MYO18A: variants seen among roughly 807,000 people sequenced by gnomAD.
MYO18A encodes the protein unconventional myosin-XVIIIa.
MYO18A carries 78 observed loss-of-function variants against 235.8 expected under a neutral mutation model. The ratio of observed to expected loss-of-function variants is 0.33; its 90% CI spans 0.28 to 0.40. MYO18A has a LOEUF of 0.40. Ranked by LOEUF, MYO18A falls within the 10% of genes least tolerant of loss-of-function variation. MYO18A has a pLI of 1.00. For synonymous variants in MYO18A, 977 were observed against 1,077.8 expected, an observed-to-expected ratio of 0.91 and a Z score of 1.83; for missense variants, 2,215 against 2,699.3, an observed-to-expected ratio of 0.82 and a Z score of 3.98.
Position 29,180,011 on chromosome 17 carries a change from C to T in MYO18A, c.-82+302G>A, listed in dbSNP as rs550062075. 2.6e-5 allele frequency among the ~76,000 whole-genome samples: 4 copies of T among 151,776 alleles called. No homozygotes were observed. The highest frequency in any genetic ancestry group is 5.9e-5 in the Non-Finnish European group (4 of 67,920). ...ACCTGGGCGCCTCCAAGCCCCAAAT[C>T]CCCCCACACTGAAGGCCACCCTGTC... On this transcript the variant is annotated intron_variant, in intron 1 of 41. Transcript: ENST00000527372. The surrounding 1 kb of genome is among the most constrained non-coding windows in gnomAD (Gnocchi z 6.1).
rs2065931012 is a variant in MYO18A at position 29,074,590 on chromosome 17, T to C, written c.*180A>G. On this transcript the variant is annotated 3_prime_UTR_variant, in exon 42 of 42. Transcript: ENST00000527372. This position sits in a 1 kb window ranked among gnomAD's most constrained non-coding sequence, Gnocchi z 4.4. ...AGAAACTCCTCTTTCCCCCACCTCT[T>C]CCACGTGGAGACATCAGACACCCAT... The C allele has an allele frequency of 3.1e-6, 2 of 650,418 alleles. No individual in the cohort carries two copies. The highest frequency in any genetic ancestry group is 3.6e-5 in the African/African-American group (2 of 54,846). 40.3% of individuals were successfully genotyped at this position (650,418 alleles called of 1,614,324 possible). A position where few individuals can be genotyped will look rare whatever the true frequency, so the allele number is the denominator to read the frequency against.
intron 2 of MYO18A, among the ~76,000 whole-genome samples, chr17:29,156,909 C>G (rs1457371993): frequency 6.6e-6 from 1 of 152,196 alleles, no homozygotes; most frequent in Non-Finnish European, 1.5e-5. Flanking sequence ...CAGTGAGAAG[C>G]CTGCATTGCC....
At chr17:29,116,156 C>G (rs893655421) in intron 11 of MYO18A, among the ~76,000 whole-genome samples, 2 of 152,216 alleles carry the variant, frequency 1.3e-5, no homozygotes, top group Non-Finnish European at 2.9e-5. Context: ...AGGGCGGAGT[C>G]AGAGGATGAA....
intron 2 of MYO18A, among the ~76,000 whole-genome samples, chr17:29,137,593 A>G (rs1339688841): frequency 6.6e-6 from 1 of 152,244 alleles, no homozygotes; most frequent in East Asian, 1.9e-4. Flanking sequence ...TAAAGAAAGA[A>G]AAAGAAAAAA....
chr17:29,166,397 G>C lies in MYO18A; in HGVS notation c.544C>G (p.Pro182Ala). 1 of 1,613,718 alleles carries C rather than the reference G, an allele frequency of 6.2e-7. No homozygotes were observed. The highest frequency in any genetic ancestry group is 8.5e-7 in the Non-Finnish European group (1 of 1,179,880). Residue 182 changes from proline to alanine, a missense_variant, in exon 2 of 42, where the codon CCA becomes GCA. Physicochemically the swap from Pro to Ala is conservative, Grantham distance 27 (BLOSUM62 -1). Transcript: ENST00000527372. ...LEGQLVQHPG[P>A]GIPRPGHRSR... ...CGGTGCCCTGGTCGAGGGATGCCTG[G>C]GCCAGGATGCTGCACCAGCTGTCCC...
At chr17:29,167,295 C>T (rs908819196) in intron 1 of MYO18A, among the ~76,000 whole-genome samples, 2 of 152,200 alleles carry the variant, frequency 1.3e-5, no homozygotes, top group South Asian at 4.1e-4. Context: ...GCCCAGATTC[C>T]AAAGCCTGTC....
chr17:29,100,502 G>A (rs1245212942), intron 21 of MYO18A, among the ~76,000 whole-genome samples: 3 of 152,256 alleles, frequency 2.0e-5, no homozygotes, highest in Non-Finnish European at 2.9e-5. Context: ...GGGCAGGCAT[G>A]TGCAGAACCA....
In MYO18A at chr17:29,089,494, G is replaced by GA. The variant is rs373430091; in HGVS notation, c.5526+466dup. On this transcript the variant is annotated intron_variant, in intron 37 of 41. Coordinates refer to ENST00000527372, the MANE Select transcript of MYO18A (RefSeq NM_078471.4). ...ATCATAATCAAGAAAAAGGGAGAGA[G>GA]AAAAAAAAAAGCAGAGACAGGAGGG... Among the ~76,000 whole-genome samples, 220 of 136,370 alleles carry GA rather than the reference G, an allele frequency of 1.6e-3. 2 individuals carry two copies. In the East Asian group the frequency reaches 0.024, roughly 15 times the overall value. 89.5% of individuals were successfully genotyped at this position (136,370 alleles called of 152,430 possible). A position where few individuals can be genotyped will look rare whatever the true frequency, so the allele number is the denominator to read the frequency against.
At chr17:29,147,034 G>C (rs1358404142) in intron 2 of MYO18A, among the ~76,000 whole-genome samples, 1 of 152,186 alleles carries the variant, frequency 6.6e-6, no homozygotes. Flanking sequence ...TGTGGAATGG[G>C]GAAACGGGGT....
rs1357918782 is a variant in MYO18A, at chr17:29,117,270, C to A, written c.2038+775G>T. ...CTCCAAGCCAGGCCAAGTCCCCGAGCGCAAGTGCCAAAGCTGCAGCCCATT... is the reference window on the plus strand; with the variant it reads ...CTCCAAGCCAGGCCAAGTCCCCGAGAGCAAGTGCCAAAGCTGCAGCCCATT... On this transcript the variant is annotated intron_variant, in intron 10 of 41. Coordinates refer to ENST00000527372, the MANE Select transcript of MYO18A (RefSeq NM_078471.4). The surrounding 1 kb of genome is among the most constrained non-coding windows in gnomAD (Gnocchi z 4.6). Among the ~76,000 whole-genome samples, 3 of 152,204 alleles carry A rather than the reference C, an allele frequency of 2.0e-5. No individual in the cohort carries two copies. The highest frequency in any genetic ancestry group is 4.4e-5 in the Non-Finnish European group (3 of 68,038).
rs574219333 is a variant in MYO18A, at chr17:29,169,637, C to A, written c.-81-2616G>T. 8.5e-5 allele frequency among the ~76,000 whole-genome samples: 13 copies of A among 152,244 alleles called. No individual in the cohort carries two copies. In the South Asian group the frequency reaches 2.1e-3, roughly 24 times the overall value. ...CTTATACCTTACCCACCACTGCCTG[C>A]ACCATCTTAAAGGGATGGTTTAGAA... On this transcript the variant is annotated intron_variant, in intron 1 of 41. Coordinates refer to ENST00000527372, the MANE Select transcript of MYO18A (RefSeq NM_078471.4).
rs569399627 is a variant in MYO18A, at chr17:29,081,022, G to C, written c.6020+1294C>G. The C allele has an allele frequency of 1.6e-4, 157 of 985,030 alleles. 1 individual carries two copies. In the South Asian group the frequency reaches 6.1e-3, roughly 38 times the overall value. 61.0% of individuals were successfully genotyped at this position (985,030 alleles called of 1,614,324 possible). On this transcript the variant is annotated intron_variant, in intron 41 of 41. Coordinates refer to ENST00000527372, the MANE Select transcript of MYO18A (RefSeq NM_078471.4). The stretch of plus-strand genomic sequence containing the variant: ...GAGGCTGTTGAGGGCCGTTCCGAGG[G>C]AGGATGCGAGAACCAGACGTGGATG...
In MYO18A at chr17:29,109,662, G is replaced by A. The variant is rs2066879573; in HGVS notation, c.3331+196C>T. On this transcript the variant is annotated intron_variant, in intron 19 of 41. Transcript: ENST00000527372. This position sits in a 1 kb window ranked among gnomAD's most constrained non-coding sequence, Gnocchi z 4.1. ...AATATGGAAGGGAGAGGAGGAGGCG[G>A]GGACTCTGCAGGATGGAAGGAAATG... is the stretch of plus-strand genomic sequence containing the variant. Among the ~76,000 whole-genome samples the A allele has an allele frequency of 6.6e-6, 1 of 152,184 alleles. No individual in the cohort carries two copies. The highest frequency in any genetic ancestry group is 2.4e-5 in the African/African-American group (1 of 41,424).
At chr17:29,169,523 G>A (rs2068355180) in intron 1 of MYO18A, among the ~76,000 whole-genome samples, 1 of 152,108 alleles carries the variant, frequency 6.6e-6, no homozygotes, top group Non-Finnish European at 1.5e-5. Flanking sequence ...ACTGTGACAA[G>A]GGGAGTCTCT....
chr17:29,102,505 C>A (rs939012009), intron 21 of MYO18A, among the ~76,000 whole-genome samples: 1 of 152,144 alleles, frequency 6.6e-6, no homozygotes, highest in Non-Finnish European at 1.5e-5. Context: ...GAACCAGACA[C>A]AGAGGTAGAC....
At position 29,093,356 on chromosome 17, in the gene MYO18A, C is replaced by A; in HGVS notation, c.4893G>T (p.Glu1631Asp). 1 of 1,612,716 alleles carries A rather than the reference C, an allele frequency of 6.2e-7. No individual in the cohort carries two copies. Among genetic ancestry groups the A allele is most frequent in the African/African-American group, 1.3e-5 (1 of 74,958 alleles). ...TGAGGGTGGCGAGCTTGCCCTCCAG[C>A]TCCCGCTTCTCTCGCAGAACCTTCT... The part of the protein sequence containing the change: ...DKQKVLREKR[E>D]LEGKLATLSD... The change falls in exon 32 of 42, where the codon GAG becomes GAT. Residue 1631 changes from glutamate to aspartate, a missense_variant. By Grantham distance (45) the Glu-to-Asp change is conservative (BLOSUM62 2). Coordinates refer to ENST00000527372, the MANE Select transcript of MYO18A (RefSeq NM_078471.4).
rs564099758 is a variant in MYO18A at position 29,072,924 on chromosome 17, C to T, written c.*1846G>A. ...TGGAGTAGGGCATGAAGACAGGGACCGAGCAGGGCAGAGACAGCACTCCCA... is the reference window on the plus strand; with the variant it reads ...TGGAGTAGGGCATGAAGACAGGGACTGAGCAGGGCAGAGACAGCACTCCCA... On this transcript the variant is annotated 3_prime_UTR_variant, in exon 42 of 42. Transcript: ENST00000527372. The T allele has an allele frequency of 5.3e-5, 8 of 152,306 alleles. No individual in the cohort carries two copies. Among genetic ancestry groups the T allele is most frequent in the Non-Finnish European group, 7.3e-5 (5 of 68,038 alleles). The allele number at this position is 152,306 out of a possible 1,614,324, so 9.4% of individuals were successfully genotyped here. A position where few individuals can be genotyped will look rare whatever the true frequency, so the allele number is the denominator to read the frequency against.
chr17:29,104,160 G>C (rs1408580196), intron 20 of MYO18A, among the ~76,000 whole-genome samples: 1 of 152,170 alleles, frequency 6.6e-6, no homozygotes, highest in Non-Finnish European at 1.5e-5. Context: ...ATGTGCTTCG[G>C]GAGCCCCTGA....
At chr17:29,104,718 G>A (rs1167804381) in intron 20 of MYO18A, among the ~76,000 whole-genome samples, 2 of 152,148 alleles carry the variant, frequency 1.3e-5, no homozygotes, top group Non-Finnish European at 2.9e-5. Flanking sequence ...ACAGAGTCCT[G>A]AGGAAGACAC....
Sources: gnomAD v4.1 joint callset for allele counts (sites outside exome capture counted in the v4.1 genomes callset) on GRCh38, gnomAD v4.1.1 for gene constraint, Gnocchi (gnomAD v3.1) non-coding constraint, MANE v1.5 for transcripts, NCBI Gene and HGNC (gene_info 2026-07-23, HGNC 2026-07-21) for gene names.